Variants in COG1 observed in about 807,000 individuals in gnomAD.
COG1 encodes the protein conserved oligomeric Golgi complex subunit 1.
COG1 carries 61 observed loss-of-function variants against 102.2 expected under a neutral mutation model. The ratio of observed to expected loss-of-function variants is 0.60; its 90% CI spans 0.49 to 0.74. The LOEUF (loss-of-function observed/expected upper bound fraction) is 0.74. COG1 is among the 30% of genes least tolerant of loss of function. COG1 has a pLI of 0.00. For synonymous variants in COG1, 454 were observed against 493.6 expected, an observed-to-expected ratio of 0.92 and a Z score of 1.06; for missense variants, 1,164 against 1,232.1, an observed-to-expected ratio of 0.94 and a Z score of 0.83.
chr17:73,204,554 C>CTTTTTTTT (rs575425786), intron 9 of COG1, among the ~76,000 whole-genome samples: 2 of 95,862 alleles, frequency 2.1e-5, no homozygotes, highest in Non-Finnish European at 4.0e-5. Context: ...TCATTAGTAA[C>CTTTTTTTT]TTTTTTTTTT....
intron 13 of COG1, chr17:73,207,585 ATC>A: frequency 9.7e-6 from 8 of 828,806 alleles, no homozygotes; most frequent in Non-Finnish European, 1.4e-5. Flanking sequence ...TTTGGAGAAA[ATC>A]TGTTTTGTTC....
rs536475584 is a variant in COG1 at position 73,193,470 on chromosome 17, G to A, written c.315+86G>A. 2.4e-4 allele frequency: 322 copies of A among 1,329,766 alleles called. 7 individuals are homozygous for A. The South Asian group carries it at 5.4e-3, about 22-fold the overall frequency. 82.4% of individuals were successfully genotyped at this position (1,329,766 alleles called of 1,614,324 possible). On this transcript the variant is annotated intron_variant, in intron 1 of 13. Coordinates refer to ENST00000299886, the MANE Select transcript of COG1 (RefSeq NM_018714.3). ...AGGTCAACCCCGCCCCCCTCTGTCA[G>A]TCCCAGACCCCGCGAGTCCTCACCT...
chr17:73,208,069 T>G (rs2061389815), intron 13 of COG1: 55 of 1,403,592 alleles, frequency 3.9e-5, no homozygotes, highest in Non-Finnish European at 5.0e-5. Flanking sequence ...TGGAGAGAAG[T>G]GCCTGTGTCT....
Position 73,196,939 on chromosome 17 carries a change from C to T in COG1, c.600C>T (p.Cys200=), listed in dbSNP as rs2061327823. The T allele has an allele frequency of 1.2e-6, 2 of 1,614,082 alleles. No individual in the cohort carries two copies. Among genetic ancestry groups the T allele is most frequent in the African/African-American group, 1.3e-5 (1 of 74,928 alleles). ...ATGAAAGCAAGATGTTGCTCAAATG[C>T]CAAGGTGTGTCTGACCAAGCTGTGG... ...ILHESKMLLK[C]QGVSDQAVAE... The change falls in exon 3 of 14, where the codon TGC becomes TGT. Residue 200 remains cysteine (C), a synonymous_variant. Coordinates refer to ENST00000299886, the MANE Select transcript of COG1 (RefSeq NM_018714.3).
chr17:73,207,569 T>G, intron 13 of COG1: 1 of 720,048 alleles, frequency 1.4e-6, no homozygotes, highest in Non-Finnish European at 2.2e-6. Flanking sequence ...ACTATCATTG[T>G]ACTTGTTTGG....
At position 73,206,845 on chromosome 17, in the gene COG1, G is replaced by A. The variant is rs143165734; in HGVS notation, c.2729+28G>A. The A allele has an allele frequency of 8.6e-4, 1,331 of 1,540,372 alleles. 14 individuals are homozygous for A. In the East Asian group the frequency reaches 0.022, roughly 25 times the overall value. ...AAAGGCTGCCAAGAGGCTTCTGCGGGGCACTTCGGGAGGCCAAGGTGGACG... is the reference window on the plus strand; with the variant it reads ...AAAGGCTGCCAAGAGGCTTCTGCGGAGCACTTCGGGAGGCCAAGGTGGACG... On this transcript the variant is annotated intron_variant, in intron 12 of 13. Coordinates refer to ENST00000299886, the MANE Select transcript of COG1 (RefSeq NM_018714.3).
intron 9 of COG1, chr17:73,205,317 ATC>A (rs2145103269): frequency 1.9e-6 from 1 of 524,402 alleles, no homozygotes; most frequent in East Asian, 3.5e-5. Flanking sequence ...CATTTACAGC[ATC>A]TGAGGCCTTT....
Position 73,193,140 on chromosome 17 carries a change from C to T in COG1, c.71C>T (p.Thr24Met). ...DLRDPAALFE[T>M]HGAEEIRGLE... ...CGCGACCCTGCGGCTCTTTTCGAGA[C>T]GCATGGAGCGGAGGAGATCCGCGGG... Residue 24 changes from threonine to methionine, a missense_variant, in exon 1 of 14, where the codon ACG becomes ATG. Thr to Met is a moderately conservative substitution (Grantham distance 81, BLOSUM62 -1). Transcript: ENST00000299886. 2 of 1,610,288 alleles carry T rather than the reference C, an allele frequency of 1.2e-6. No homozygotes were observed. Among genetic ancestry groups the T allele is most frequent in the South Asian group, 1.1e-5 (1 of 90,500 alleles).
In COG1 at chr17:73,201,221, T is replaced by A. The variant is rs1392059769; in HGVS notation, c.1394T>A (p.Ile465Asn). The A allele has an allele frequency of 1.9e-6, 3 of 1,614,026 alleles. No homozygotes were observed. Among genetic ancestry groups the A allele is most frequent in the Admixed American group, 3.3e-5 (2 of 60,000 alleles). ...AGCAACTCCCCTTCAAATAAGCACA[T>A]CCACTTTGAGTACAACATGTCGCTC... ...STSNSPSNKH[I>N]HFEYNMSLFL... The change falls in exon 7 of 14, where the codon ATC becomes AAC. Residue 465 changes from isoleucine (I) to asparagine (N), a missense_variant. Ile to Asn is a moderately radical substitution (Grantham distance 149, BLOSUM62 -3). Transcript: ENST00000299886.
Position 73,206,275 on chromosome 17 carries a change from A to G in COG1, c.2619+13A>G, listed in dbSNP as rs1246927204. On this transcript the variant is annotated intron_variant, in intron 11 of 13. Transcript: ENST00000299886. ...GCAGCGAACTTCTGTGAGTCAAATC[A>G]AAAACATGCTTAGTGCGAACGAAGC... 6.2e-7 allele frequency: 1 copy of G among 1,603,828 alleles called. No individual in the cohort carries two copies. The highest frequency in any genetic ancestry group is 8.5e-7 in the Non-Finnish European group (1 of 1,170,658).
chr17:73,201,980 A>G lies in COG1; in HGVS notation c.2073+80A>G. On this transcript the variant is annotated intron_variant, in intron 7 of 13. Transcript: ENST00000299886. The stretch of plus-strand genomic sequence containing the variant: ...CTTGCCAACCTCAATCAGTTCCTTC[A>G]GTAGTAAAGGCAAAACAATTCTGAT... 2.3e-6 allele frequency: 3 copies of G among 1,304,776 alleles called. No individual in the cohort carries two copies. In the South Asian group the frequency reaches 3.7e-5, roughly 16 times the overall value. 80.8% of individuals were successfully genotyped at this position (1,304,776 alleles called of 1,614,324 possible).
intron 1 of COG1, among the ~76,000 whole-genome samples, chr17:73,196,272 T>A (rs2061324574): frequency 6.6e-6 from 1 of 152,136 alleles, no homozygotes; most frequent in East Asian, 1.9e-4. Flanking sequence ...AGTTTGCCTC[T>A]TCGTGGGGCT....
Position 73,200,708 on chromosome 17 carries a change from C to A in COG1, c.1213C>A (p.Arg405=), listed in dbSNP as rs780279984. ...TCACAGCTGGGATGTGCTATGTCGG[C>A]GGCTTCTGGAGAAGCCGCTCTTGTT... ...TNHSWDVLCR[R]LLEKPLLFWE... The change falls in exon 6 of 14, where the codon CGG becomes AGG. Residue 405 remains arginine (R), a synonymous_variant. Coordinates refer to ENST00000299886, the MANE Select transcript of COG1 (RefSeq NM_018714.3). 8 of 1,613,294 alleles carry A rather than the reference C, an allele frequency of 5.0e-6. No homozygotes were observed. Among genetic ancestry groups the A allele is most frequent in the South Asian group, 3.3e-5 (3 of 91,064 alleles).
intron 9 of COG1, 33 bp downstream of exon 9, chr17:73,203,826 C>A: frequency 6.2e-7 from 1 of 1,612,204 alleles, no homozygotes; most frequent in Non-Finnish European, 8.5e-7. Context: ...ATTAAAAACA[C>A]AAATTAAACA....
intron 13 of COG1, chr17:73,207,781 C>CA (rs1568299901): frequency 7.8e-7 from 1 of 1,283,002 alleles, no homozygotes; most frequent in African/African-American, 1.7e-5. Flanking sequence ...TTTGAAAGCT[C>CA]AAACAGCTTG....
At position 73,206,234 on chromosome 17, in the gene COG1, A is replaced by G. The variant is rs2061371088; in HGVS notation, c.2591A>G (p.Asn864Ser). 1.2e-6 allele frequency: 2 copies of G among 1,614,124 alleles called. No individual in the cohort carries two copies. Among genetic ancestry groups the G allele is most frequent in the Non-Finnish European group, 1.7e-6 (2 of 1,179,980 alleles). ...GTTTTCACGCCACACCTCAACAGCAACCTTCATCGCCTGGTGCAGCGAACT... is the reference window on the plus strand; with the variant it reads ...GTTTTCACGCCACACCTCAACAGCAGCCTTCATCGCCTGGTGCAGCGAACT... The part of the protein sequence containing the change: ...LDVFTPHLNS[N>S]LHRLVQRTSV... The change falls in exon 11 of 14, where the codon AAC becomes AGC. Residue 864 changes from asparagine to serine, a missense_variant. Asn to Ser is a conservative substitution (Grantham distance 46, BLOSUM62 1). Transcript: ENST00000299886.
intron 9 of COG1, chr17:73,205,212 T>A (rs1224579032): frequency 6.3e-6 from 2 of 315,210 alleles, no homozygotes; most frequent in Non-Finnish European, 6.1e-6. Context: ...GAACAAATCC[T>A]GATTTTGGAA....
intron 1 of COG1, among the ~76,000 whole-genome samples, chr17:73,194,085 A>G (rs2061314261): frequency 6.6e-6 from 1 of 152,122 alleles, no homozygotes; most frequent in African/African-American, 2.4e-5. Flanking sequence ...GATTAGACAC[A>G]ATGAGGAAGG....
chr17:73,207,780 TC>T lies in COG1; in HGVS notation c.2805+525del, dbSNP rs200023056. 2.4e-3 allele frequency: 3,052 copies of T among 1,289,116 alleles called. 67 individuals carry two copies. In the African/African-American group the frequency reaches 0.042, roughly 18 times the overall value. 79.9% of individuals were successfully genotyped at this position (1,289,116 alleles called of 1,614,324 possible). On this transcript the variant is annotated intron_variant, in intron 13 of 13. Coordinates refer to ENST00000299886, the MANE Select transcript of COG1 (RefSeq NM_018714.3). ...GCTGTGTGCATGTGTGTTTGAAAGC[TC>T]AAACAGCTTGTCTTCTTACAGCATC...
Sources: allele counts gnomAD v4.1 joint callset (sites outside exome capture counted in the v4.1 genomes callset), GRCh38; gene constraint gnomAD v4.1.1; transcripts MANE v1.5; gene names NCBI Gene and HGNC (gene_info 2026-07-23, HGNC 2026-07-21).